Variants in PLSCR2 observed in about 807,000 individuals in gnomAD.
PLSCR2 encodes the protein PL scramblase 2.
Under a neutral mutation model 25.3 loss-of-function variants are expected in PLSCR2, and 18 were observed. That is an observed-to-expected ratio of 0.71 (90% CI 0.49 to 1.06). The LOEUF is 1.06. PLSCR2 is among the 50% of genes least tolerant of loss of function. The probability of loss-of-function intolerance (pLI) is 0.00; values close to 1 mark genes in which losing one functional copy is unlikely to be tolerated. For missense variants in PLSCR2, 243 were observed against 269.5 expected (o/e 0.90, Z 0.69); for synonymous variants, 88 against 87.3 (o/e 1.01, Z -0.04).
intron 3 of PLSCR2, among the ~76,000 whole-genome samples, chr3:146,392,326 TA>T (rs2038107022): frequency 6.6e-6 from 1 of 152,076 alleles, no homozygotes; most frequent in African/African-American, 2.4e-5. Context: ...CTTGATTCCT[TA>T]AATCTTCATC....
intron 1 of PLSCR2, among the ~76,000 whole-genome samples, chr3:146,476,965 G>T (rs1201458610): frequency 6.6e-6 from 1 of 152,216 alleles, no homozygotes; most frequent in East Asian, 1.9e-4. Context: ...AGATGAGTGG[G>T]ATTCCCCTAA....
intron 3 of PLSCR2, among the ~76,000 whole-genome samples, chr3:146,394,270 CTTTTCTTT>C (rs2038198818): frequency 6.6e-6 from 1 of 151,656 alleles, no homozygotes; most frequent in African/African-American, 2.4e-5. Flanking sequence ...CTTTTCTTTT[CTTTTCTTT>C]TTTTTTGAGA....
Position 146,423,234 on chromosome 3 carries a change from CCTCTCTCTCTCTCTCTCT to C in PLSCR2, c.101-27331_101-27314del, listed in dbSNP as rs200145864. Among the ~76,000 whole-genome samples the C allele has an allele frequency of 9.0e-3, 480 of 53,480 alleles. 4 individuals are homozygous for C. The highest frequency in any genetic ancestry group is 0.047 in the Middle Eastern group (4 of 86). 35.1% of individuals were successfully genotyped at this position (53,480 alleles called of 152,430 possible). On this transcript the variant is annotated intron_variant and NMD_transcript_variant, in intron 2 of 3. Coordinates refer to the PLSCR2 transcript ENST00000463633. ...CTGTCTCTTTCCTCTCCTTGCAGTGCCTCTCTCTCTCTCTCTCTCTCTCTCTCTCTCTCTCTCTCTCTC... is the reference window on the plus strand; with the variant it reads ...CTGTCTCTTTCCTCTCCTTGCAGTGCCTCTCTCTCTCTCTCTCTCTCTCTC...
chr3:146,452,811 G>A (rs2040976783), intron 5 of PLSCR2, among the ~76,000 whole-genome samples: 1 of 151,730 alleles, frequency 6.6e-6, no homozygotes, highest in Admixed American at 6.6e-5. Flanking sequence ...GGATTTTTAT[G>A]GGCATGAAAA....
intron 3 of PLSCR2, among the ~76,000 whole-genome samples, chr3:146,394,715 CCT>C (rs2038214294): frequency 6.6e-6 from 1 of 152,156 alleles, no homozygotes; most frequent in African/African-American, 2.4e-5. Flanking sequence ...TTTCCAAGAG[CCT>C]ATTGATGACT....
chr3:146,488,800 ACCTATCCCATTACTGG>A (rs2043439426), intron 1 of PLSCR2, among the ~76,000 whole-genome samples: 1 of 152,168 alleles, frequency 6.6e-6, no homozygotes. Context: ...CATTCGACCC[ACCTATCCCATTACTGG>A]GTATATAACA....
At chr3:146,402,377 G>T (rs1485049051) in intron 2 of PLSCR2, among the ~76,000 whole-genome samples, 1 of 152,102 alleles carries the variant, frequency 6.6e-6, no homozygotes, top group Non-Finnish European at 1.5e-5. Context: ...CAGTAGTTGT[G>T]CATGGATGAC....
chr3:146,437,448 G>T (rs953273157), downstream of PLSCR2, among the ~76,000 whole-genome samples: 11 of 152,152 alleles, frequency 7.2e-5, no homozygotes, highest in Non-Finnish European at 1.2e-4. Flanking sequence ...TTCAATTTCA[G>T]AACCTGTTAT....
At chr3:146,483,850 C>A (rs2043247069) in intron 1 of PLSCR2, among the ~76,000 whole-genome samples, 1 of 151,538 alleles carries the variant, frequency 6.6e-6, no homozygotes, top group Admixed American at 6.6e-5. Flanking sequence ...GAAAAAAACA[C>A]TAAAAATGCA....
intron 3 of PLSCR2, among the ~76,000 whole-genome samples, chr3:146,392,410 T>C (rs532678410): frequency 6.6e-6 from 1 of 152,240 alleles, no homozygotes; most frequent in South Asian, 2.1e-4. Flanking sequence ...TTATCCTTTA[T>C]TTTTTGCTTC....
intron 6 of PLSCR2, among the ~76,000 whole-genome samples, chr3:146,445,373 G>C (rs952700778): frequency 3.3e-5 from 5 of 152,006 alleles, no homozygotes; most frequent in African/African-American, 1.2e-4. Context: ...CTCAGCTTTT[G>C]TTTGCCTGGA....
At chr3:146,404,828 G>GGGT (rs1559970856) in intron 2 of PLSCR2, among the ~76,000 whole-genome samples, 11 of 150,322 alleles carry the variant, frequency 7.3e-5, no homozygotes, top group African/African-American at 2.0e-4. Flanking sequence ...AAAAGGGGGG[G>GGGT]GGTGGTGGTT....
chr3:146,495,276 G>C lies in PLSCR2; in HGVS notation c.-293+619C>G, dbSNP rs192094410. Among the ~76,000 whole-genome samples, 15 of 152,276 alleles carry C rather than the reference G, an allele frequency of 9.9e-5. No homozygotes were observed. The East Asian group carries it at 2.7e-3, about 27-fold the overall frequency. On this transcript the variant is annotated intron_variant, in intron 1 of 8. Transcript: ENST00000336685. ...CCTATTTTTGGACACTTTGTACTGA[G>C]TGGAAGCTCAGAGATTTGTCCCAAA...
chr3:146,460,611 T>C (rs763161653), upstream of PLSCR2, among the ~76,000 whole-genome samples: 2 of 152,170 alleles, frequency 1.3e-5, no homozygotes, highest in Non-Finnish European at 1.5e-5. Context: ...CTGTCAAGGT[T>C]TGGATCCATT....
intron 2 of PLSCR2, among the ~76,000 whole-genome samples, chr3:146,412,322 G>GCCCT (rs1315783542): frequency 6.6e-6 from 1 of 152,070 alleles, no homozygotes; most frequent in Non-Finnish European, 1.5e-5. Flanking sequence ...TATTGACTTT[G>GCCCT]CTCCTGTGAC....
chr3:146,483,509 A>ATATATATATATACACGTGTAT (rs1553791539), intron 1 of PLSCR2, among the ~76,000 whole-genome samples: 1 of 127,072 alleles, frequency 7.9e-6, no homozygotes, highest in Non-Finnish European at 1.7e-5. Flanking sequence ...ATATATATAT[A>ATATATATATATACACGTGTAT]ATGTTACTAC....
exon 4 of PLSCR2, chr3:146,455,359 A>G (rs2041151069): frequency 4.3e-6 from 7 of 1,613,754 alleles, no homozygotes; most frequent in Non-Finnish European, 5.9e-6. Context: ...GCCCACAGCA[A>G]TTTCGGATAC....
Position 146,476,292 on chromosome 3 carries a change from G to T in PLSCR2, c.-292-16008C>A, listed in dbSNP as rs2042281340. On this transcript the variant is annotated intron_variant, in intron 1 of 8. Transcript: ENST00000336685. ...CATCGCCTCACCTGAGAGCCACATG[G>T]GGCAGGGGGAGCTCCCATTCCCCAG... 2.0e-5 allele frequency among the ~76,000 whole-genome samples: 3 copies of T among 152,216 alleles called. 1 individual carries two copies. In the South Asian group the frequency reaches 6.2e-4, roughly 31 times the overall value.
rs541692216 is a variant in PLSCR2 at position 146,482,524 on chromosome 3, A to T, written c.-293+13371T>A. Among the ~76,000 whole-genome samples the T allele has an allele frequency of 8.4e-4, 128 of 152,320 alleles. 1 individual carries two copies. The highest frequency in any genetic ancestry group is 1.2e-3 in the Non-Finnish European group (79 of 68,036). On this transcript the variant is annotated intron_variant, in intron 1 of 8. Coordinates refer to the PLSCR2 transcript ENST00000336685. Reference sequence around the variant, plus strand: ...AGAAATGCAAATCAAAACCACAATGAGATACAATCTCATGCCAGCTAGAAT... The same window carrying T: ...AGAAATGCAAATCAAAACCACAATGTGATACAATCTCATGCCAGCTAGAAT...
Sources: allele counts gnomAD v4.1 joint callset (sites outside exome capture counted in the v4.1 genomes callset), GRCh38; gene constraint gnomAD v4.1.1; transcripts MANE v1.5; gene names NCBI Gene and HGNC (gene_info 2026-07-23, HGNC 2026-07-21).